EFTUD2: variants seen among roughly 807,000 people sequenced by gnomAD.
The protein encoded by EFTUD2 is 116 kDa U5 small nuclear ribonucleoprotein component.
Under a neutral mutation model 114.3 loss-of-function variants are expected in EFTUD2, and 9 were observed. That is an observed-to-expected ratio of 0.08 (90% CI 0.05 to 0.14). The LOEUF (loss-of-function observed/expected upper bound fraction) is 0.14. Ranked by LOEUF, EFTUD2 falls within the 10% of genes least tolerant of loss-of-function variation. The probability of loss-of-function intolerance (pLI) is 1.00; values close to 1 mark genes in which losing one functional copy is unlikely to be tolerated. For synonymous variants in EFTUD2, 449 were observed against 462.3 expected, an observed-to-expected ratio of 0.97 and a Z score of 0.37; for missense variants, 765 against 1,241.2, an observed-to-expected ratio of 0.62 and a Z score of 5.76.
In EFTUD2 at chr17:44,853,340, A is replaced by G. The variant is rs1204499254; in HGVS notation, c.2517T>C (p.Pro839=). 1.2e-6 allele frequency: 2 copies of G among 1,614,092 alleles called. No individual in the cohort carries two copies. Among genetic ancestry groups the G allele is most frequent in the Non-Finnish European group, 8.5e-7 (1 of 1,179,962 alleles). Residue 839 remains proline, a synonymous_variant, in exon 25 of 28, where the codon CCT becomes CCC. Transcript: ENST00000426333. ...EPYYFVEVQA[P]ADCVSAVYTV... Reference sequence around the variant, plus strand: ...TATAAACTGCAGAGACGCAATCTGCAGGGGCCTGGACCTCTACAAAGTAGT... The same window carrying G: ...TATAAACTGCAGAGACGCAATCTGCGGGGGCCTGGACCTCTACAAAGTAGT...
At chr17:44,880,809 G>A (rs938693654) in intron 7 of EFTUD2, among the ~76,000 whole-genome samples, 165 bp from the exon 8 acceptor site, 2 of 152,156 alleles carry the variant, frequency 1.3e-5, no homozygotes, top group African/African-American at 2.4e-5. Flanking sequence ...AAATATCTTG[G>A]TGTTAGACAC....
intron 18 of EFTUD2, chr17:44,859,408 T>C: frequency 1.7e-6 from 1 of 580,614 alleles, no homozygotes; most frequent in Non-Finnish European, 3.1e-6. Flanking sequence ...AAGTCAATGA[T>C]TTAATTCCCA....
chr17:44,854,114 G>A lies in EFTUD2; in HGVS notation c.2347+155C>T, dbSNP rs1419369174. On this transcript the variant is annotated intron_variant, in intron 23 of 27. Transcript: ENST00000426333. The surrounding 1 kb of genome is among the most constrained non-coding windows in gnomAD (Gnocchi z 4.3). ...CAGGCTACACCACCAGGATAAGGAA[G>A]GAAAAGGGAAGAAGCTGGCCCAGGA... 3 of 1,432,046 alleles carry A rather than the reference G, an allele frequency of 2.1e-6. No homozygotes were observed. The African/African-American group carries it at 4.3e-5, about 20-fold the overall frequency. 88.7% of individuals were successfully genotyped at this position (1,432,046 alleles called of 1,614,324 possible).
At chr17:44,882,211 G>A (rs12449897) in intron 6 of EFTUD2, among the ~76,000 whole-genome samples, 16,357 of 152,154 alleles carry the variant, frequency 0.11, 1,340 homozygotes, top group African/African-American at 0.22. Context: ...TGGGATTACA[G>A]GCGTGAGCCA....
In EFTUD2 at chr17:44,862,771, C is replaced by G. The variant is rs1264429928; in HGVS notation, c.1549G>C (p.Glu517Gln). Residue 517 changes from glutamate to glutamine, a missense_variant, in exon 16 of 28, where the codon GAG (glutamate) becomes CAG (glutamine). Around this residue, in one of 6 missense-constraint regions of EFTUD2, gnomAD observed 149 missense variants for 245.1 expected, o/e 0.61. Transcript: ENST00000426333. ...CATATCTGGGAGTCTTCCTCATCCT[C>G]CAGGGTGTAGTTCTCCCCCAGTACC... ...VKVLGENYTL[E>Q]DEEDSQICTV... The G allele has an allele frequency of 6.2e-7, 1 of 1,614,150 alleles. No homozygotes were observed. The highest frequency in any genetic ancestry group is 8.5e-7 in the Non-Finnish European group (1 of 1,180,018).
At chr17:44,893,855 C>T (rs1163144474) in intron 2 of EFTUD2, among the ~76,000 whole-genome samples, 1 of 151,144 alleles carries the variant, frequency 6.6e-6, no homozygotes, top group Non-Finnish European at 1.5e-5. Flanking sequence ...TGCTTGAAGT[C>T]AGGACTTCAA....
chr17:44,866,069 C>T (rs2050741874), intron 13 of EFTUD2, among the ~76,000 whole-genome samples: 2 of 152,208 alleles, frequency 1.3e-5, no homozygotes, highest in African/African-American at 2.4e-5. Context: ...TGGGACCTCC[C>T]AAAGTGCTGG....
rs913509444 is a variant in EFTUD2 at position 44,872,141 on chromosome 17, C to T, written c.994+305G>A. On this transcript the variant is annotated intron_variant, in intron 11 of 27. Coordinates refer to ENST00000426333, the MANE Select transcript of EFTUD2 (RefSeq NM_004247.4). ...CCACCTGTGAGAAGGTCTGAAAGTG[C>T]CTGTGGGCATGGATGATTCCTGTTT... 2.6e-5 allele frequency among the ~76,000 whole-genome samples: 4 copies of T among 152,190 alleles called. 1 individual carries two copies. The highest frequency in any genetic ancestry group is 1.3e-4 in the Admixed American group (2 of 15,286).
At chr17:44,894,835 C>T (rs1241459652) in intron 1 of EFTUD2, among the ~76,000 whole-genome samples, 2 of 152,200 alleles carry the variant, frequency 1.3e-5, no homozygotes, top group Admixed American at 6.5e-5. Context: ...AGAGATGGGG[C>T]GTGGGGGGCG....
At position 44,863,712 on chromosome 17, in the gene EFTUD2, G is replaced by A; in HGVS notation, c.1356C>T (p.Thr452=). 4 of 1,614,230 alleles carry A rather than the reference G, an allele frequency of 2.5e-6. No individual in the cohort carries two copies. The highest frequency in any genetic ancestry group is 2.5e-6 in the Non-Finnish European group (3 of 1,180,038). The change falls in exon 15 of 28, where the codon ACC becomes ACT. Residue 452 remains threonine (T), a synonymous_variant. Transcript: ENST00000426333. The part of the protein sequence containing the change: ...KVGAKPKIEH[T]YTGGVDSDLG... ...GGTCGGAGTCCACACCACCGGTGTA[G>A]GTGTGCTCAATCTTGGGCTTGGCGC... is the stretch of plus-strand genomic sequence containing the variant.
chr17:44,859,660 C>CACA, intron 18 of EFTUD2: 1 of 600,522 alleles, frequency 1.7e-6, no homozygotes, highest in Non-Finnish European at 2.9e-6. Context: ...CACACACACA[C>CACA]AACCTTGTCC....
intron 2 of EFTUD2, among the ~76,000 whole-genome samples, chr17:44,890,192 G>A (rs1597827402): frequency 1.5e-5 from 2 of 129,502 alleles, no homozygotes; most frequent in South Asian, 5.0e-4. Flanking sequence ...TTGTATTTTT[G>A]TATTTTTAAT....
chr17:44,898,505 C>T (rs1373575817), intron 1 of EFTUD2, among the ~76,000 whole-genome samples: 1 of 152,236 alleles, frequency 6.6e-6, no homozygotes, highest in African/African-American at 2.4e-5. Context: ...CAGGCGTGAG[C>T]CACCGCGCCC....
intron 23 of EFTUD2, 137 bp from the exon 24 acceptor site, chr17:44,853,772 G>A (rs1282838568): frequency 2.0e-6 from 3 of 1,487,658 alleles, no homozygotes; most frequent in African/African-American, 1.4e-5. Flanking sequence ...AATGGGAGGT[G>A]GGCGTTCTAA....
chr17:44,880,622 G>A lies in EFTUD2; in HGVS notation c.551C>T (p.Thr184Ile), dbSNP rs757952207. Reference sequence around the variant, plus strand: ...GTCTGGCAAGACCACTGTCACAGGAGTGCTTTTGATGCCTACACCTCTCTG... The same window carrying A: ...GTCTGGCAAGACCACTGTCACAGGAATGCTTTTGATGCCTACACCTCTCTG... The part of the protein sequence containing the change: ...EQERGVGIKS[T>I]PVTVVLPDTK... Residue 184 changes from threonine (T) to isoleucine (I), a missense_variant, in exon 8 of 28, where the codon ACT becomes ATT. By Grantham distance (89) the Thr-to-Ile change is moderately conservative. Around this residue, in one of 6 missense-constraint regions of EFTUD2, gnomAD observed 251 missense variants for 357.7 expected, o/e 0.70. Transcript: ENST00000426333. 3.7e-6 allele frequency: 6 copies of A among 1,613,514 alleles called. No individual in the cohort carries two copies. Among genetic ancestry groups the A allele is most frequent in the South Asian group, 1.1e-5 (1 of 91,080 alleles).
intron 2 of EFTUD2, 114 bp from the exon 3 acceptor site, chr17:44,886,864 TG>T (rs2051184509): frequency 2.7e-6 from 4 of 1,480,690 alleles, no homozygotes; most frequent in Middle Eastern, 2.5e-4. Context: ...CTTCTTATTC[TG>T]AGTTCTATGC....
At chr17:44,862,993 A>G in intron 15 of EFTUD2, 87 bp from the exon 16 acceptor site, 2 of 1,081,582 alleles carry the variant, frequency 1.8e-6, no homozygotes, top group South Asian at 1.5e-5. Flanking sequence ...CAGCAAGGAC[A>G]TGAGCTCTAT....
At chr17:44,898,284 C>G (rs2051433023) in intron 1 of EFTUD2, among the ~76,000 whole-genome samples, 1 of 152,146 alleles carries the variant, frequency 6.6e-6, no homozygotes, top group South Asian at 2.1e-4. Context: ...ACGGCACGAT[C>G]TCAGTTCACT....
intron 4 of EFTUD2, among the ~76,000 whole-genome samples, chr17:44,884,831 G>A (rs1027277057): frequency 1.3e-5 from 2 of 152,160 alleles, no homozygotes; most frequent in African/African-American, 4.8e-5. Flanking sequence ...AGGCTGCAAT[G>A]AGCCATGATT....
Sources: gnomAD v4.1 joint callset for allele counts (sites outside exome capture counted in the v4.1 genomes callset) on GRCh38, gnomAD v4.1.1 for gene constraint, gnomAD v4.1.1 regional missense constraint, Gnocchi (gnomAD v3.1) non-coding constraint, MANE v1.5 for transcripts, NCBI Gene and HGNC (gene_info 2026-07-23, HGNC 2026-07-21) for gene names.